The following RAB5A variants were observed in gnomAD, a reference collection of about 807,000 sequenced individuals.
The protein encoded by RAB5A is ras-related protein Rab-5A.
In RAB5A, 8 loss-of-function variants were observed where a neutral mutation model predicts 25.7. The ratio of observed to expected loss-of-function variants is 0.31; its 90% CI spans 0.18 to 0.56. The LOEUF (loss-of-function observed/expected upper bound fraction) is 0.56. Among genes scored for constraint, RAB5A ranks in the 20% least tolerant of loss-of-function variants. The pLI, the probability that RAB5A is intolerant of heterozygous loss-of-function variation, is 0.91. For missense variants in RAB5A, 192 were observed against 259.7 expected, an observed-to-expected ratio of 0.74 and a Z score of 1.79; for synonymous variants, 98 against 89.8, an observed-to-expected ratio of 1.09 and a Z score of -0.52.
At chr3:19,971,597 G>A (rs570349555) in intron 2 of RAB5A, among the ~76,000 whole-genome samples, 3 of 152,104 alleles carry the variant, frequency 2.0e-5, no homozygotes, top group Admixed American at 6.5e-5. Context: ...TCAGCCTTCC[G>A]AGTAGCTGGG....
chr3:19,965,797 CCA>C (rs1696653273), intron 2 of RAB5A, among the ~76,000 whole-genome samples: 1 of 152,004 alleles, frequency 6.6e-6, no homozygotes, highest in African/African-American at 2.4e-5. Flanking sequence ...GGTCTCACTG[CCA>C]CCCAGGCTCA....
chr3:19,952,042 A>G (rs1196599287), intron 2 of RAB5A, among the ~76,000 whole-genome samples: 1 of 152,022 alleles, frequency 6.6e-6, no homozygotes, highest in Non-Finnish European at 1.5e-5. Flanking sequence ...TCAAGAGAGG[A>G]CGTGAAATGG....
At position 19,950,851 on chromosome 3, in the gene RAB5A, G is replaced by T; in HGVS notation, c.-48G>T. On this transcript the variant is annotated 5_prime_UTR_variant, in exon 2 of 6. Transcript: ENST00000273047. ...AAGAATATTGGCCCCTTGAATTCTG[G>T]AAGTTCATTGAAGAGTCTGAAATTA... 3 of 1,548,122 alleles carry T rather than the reference G, an allele frequency of 1.9e-6. No homozygotes were observed. Among genetic ancestry groups the T allele is most frequent in the Non-Finnish European group, 2.6e-6 (3 of 1,142,818 alleles).
intron 2 of RAB5A, among the ~76,000 whole-genome samples, chr3:19,952,865 C>T (rs143240133): frequency 4.0e-5 from 6 of 151,886 alleles, no homozygotes; most frequent in East Asian, 1.9e-4. Context: ...GGCTTTGCTT[C>T]CTCCAGAAGT....
Position 19,947,255 on chromosome 3 carries a change from G to T in RAB5A, c.-360G>T. 6.2e-6 allele frequency: 1 copy of T among 161,228 alleles called. No homozygotes were observed. Among genetic ancestry groups the T allele is most frequent in the Non-Finnish European group, 1.3e-5 (1 of 79,712 alleles). 10.0% of individuals were successfully genotyped at this position (161,228 alleles called of 1,614,324 possible). A position where few individuals can be genotyped will look rare whatever the true frequency, so the allele number is the denominator to read the frequency against. On this transcript the variant is annotated 5_prime_UTR_variant, in exon 1 of 6. Transcript: ENST00000273047. ...GAGGAGGAGGAGGAAGAATTAGTCG[G>T]AACTCCAGCGCCGGCGGCGGCGGCG...
chr3:19,960,988 AAC>A (rs942958910), intron 2 of RAB5A, among the ~76,000 whole-genome samples: 1 of 152,210 alleles, frequency 6.6e-6, no homozygotes, highest in African/African-American at 2.4e-5. Context: ...CTTTGCATAA[AAC>A]TAGAGCCAGA....
chr3:19,965,419 TAAAA>T (rs35939974), intron 2 of RAB5A, among the ~76,000 whole-genome samples: 1 of 141,712 alleles, frequency 7.1e-6, no homozygotes, highest in Non-Finnish European at 1.5e-5. Context: ...GACCCTGTCT[TAAAA>T]AAAAAAAAAA....
intron 4 of RAB5A, among the ~76,000 whole-genome samples, chr3:19,977,997 T>C (rs1696852722): frequency 6.6e-6 from 1 of 152,212 alleles, no homozygotes; most frequent in Non-Finnish European, 1.5e-5. Context: ...AAAGAGAGTT[T>C]TATTTAGAAT....
intron 4 of RAB5A, among the ~76,000 whole-genome samples, chr3:19,977,879 A>G (rs934476500): frequency 6.6e-6 from 1 of 152,236 alleles, no homozygotes; most frequent in Non-Finnish European, 1.5e-5. Context: ...AGTCATTGAA[A>G]ATTAAATATG....
chr3:19,961,899 A>G (rs1048980417), intron 2 of RAB5A, among the ~76,000 whole-genome samples: 1 of 152,160 alleles, frequency 6.6e-6, no homozygotes, highest in Admixed American at 6.6e-5. Context: ...CTAGTTATCT[A>G]TTGCTGAGAC....
At chr3:19,963,547 G>T (rs1026662336) in intron 2 of RAB5A, among the ~76,000 whole-genome samples, 6 of 152,078 alleles carry the variant, frequency 3.9e-5, no homozygotes, top group African/African-American at 1.4e-4. Context: ...TATATCCTAG[G>T]ATTACAGGTT....
chr3:19,956,681 AAAGAATAAACTATTGTGGTT>A (rs1479855505), intron 2 of RAB5A, among the ~76,000 whole-genome samples: 2 of 152,234 alleles, frequency 1.3e-5, no homozygotes, highest in African/African-American at 4.8e-5. Context: ...AAGTCATTCT[AAAGAATAAACTATTGTGGTT>A]AAGAGAGACT....
At chr3:19,972,684 T>C (rs1474659204) in intron 2 of RAB5A, among the ~76,000 whole-genome samples, 1 of 152,224 alleles carries the variant, frequency 6.6e-6, no homozygotes, top group African/African-American at 2.4e-5. Flanking sequence ...AAAATGGATT[T>C]TTCTTCATTA....
intron 5 of RAB5A, among the ~76,000 whole-genome samples, chr3:19,981,331 G>A (rs920641199): frequency 1.9e-4 from 29 of 152,098 alleles, no homozygotes; most frequent in Non-Finnish European, 3.5e-4. Flanking sequence ...AAATCAGGCT[G>A]GGCGCAGTGG....
Position 19,984,133 on chromosome 3 carries a change from A to C in RAB5A, c.*310A>C. 5 of 413,516 alleles carry C rather than the reference A, an allele frequency of 1.2e-5. No homozygotes were observed. The highest frequency in any genetic ancestry group is 9.3e-5 in the South Asian group (5 of 53,994). 25.6% of individuals were successfully genotyped at this position (413,516 alleles called of 1,614,324 possible). Reference sequence around the variant, plus strand: ...AATGACTGTCTGGGCCCACACAGTTAACCAGCCCATTTCTCCACACTGGTA... The same window carrying C: ...AATGACTGTCTGGGCCCACACAGTTCACCAGCCCATTTCTCCACACTGGTA... On this transcript the variant is annotated 3_prime_UTR_variant, in exon 6 of 6. Coordinates refer to ENST00000273047, the MANE Select transcript of RAB5A (RefSeq NM_004162.5).
At chr3:19,983,162 C>T (rs1188360086) in intron 5 of RAB5A, among the ~76,000 whole-genome samples, 3 of 151,880 alleles carry the variant, frequency 2.0e-5, no homozygotes, top group Non-Finnish European at 1.5e-5. Flanking sequence ...CATGGTGAAA[C>T]CCCGTCTCTA....
chr3:19,970,525 T>G (rs1489944844), intron 2 of RAB5A: 1 of 456,696 alleles, frequency 2.2e-6, no homozygotes, highest in Non-Finnish European at 4.4e-6. Flanking sequence ...TTTGTTTTTC[T>G]CTACTTGTCA....
chr3:19,948,856 C>G (rs555933929), intron 1 of RAB5A, among the ~76,000 whole-genome samples: 1 of 151,868 alleles, frequency 6.6e-6, no homozygotes, highest in East Asian at 1.9e-4. Context: ...AATAAAAAGA[C>G]AAATGGAAAA....
intron 5 of RAB5A, among the ~76,000 whole-genome samples, chr3:19,981,391 C>T (rs925928855): frequency 6.6e-6 from 1 of 152,110 alleles, no homozygotes; most frequent in Admixed American, 6.6e-5. Flanking sequence ...GGGCTATCAC[C>T]TGAGGTCAGG....
Sources: allele counts gnomAD v4.1 joint callset (sites outside exome capture counted in the v4.1 genomes callset), GRCh38; gene constraint gnomAD v4.1.1; transcripts MANE v1.5; gene names NCBI Gene and HGNC (gene_info 2026-07-23, HGNC 2026-07-21).